The following SIPA1L2 variants were observed in gnomAD, a reference collection of about 807,000 sequenced individuals.
SIPA1L2 encodes signal induced proliferation associated 1 like 2.
A neutral mutation model predicts 163.9 loss-of-function variants in SIPA1L2; 56 were observed. The ratio of observed to expected loss-of-function variants is 0.34; its 90% CI spans 0.28 to 0.43. SIPA1L2 has a LOEUF of 0.43. Ranked by LOEUF, SIPA1L2 falls within the 20% of genes least tolerant of loss-of-function variation. SIPA1L2 has a pLI of 1.00. For synonymous variants in SIPA1L2, 877 were observed against 865.7 expected, an observed-to-expected ratio of 1.01 and a Z score of -0.23; for missense variants, 1,974 against 2,193.5, an observed-to-expected ratio of 0.90 and a Z score of 2.00.
intron 9 of SIPA1L2, among the ~76,000 whole-genome samples, chr1:232,463,325 C>T (rs940951681): frequency 6.6e-6 from 1 of 152,216 alleles, no homozygotes; most frequent in African/African-American, 2.4e-5. Flanking sequence ...CAGGCATTCC[C>T]AACATCTCCA....
At chr1:232,458,164 G>GAAA (rs71727045) in intron 10 of SIPA1L2, among the ~76,000 whole-genome samples, 1,591 of 151,780 alleles carry the variant, frequency 0.01, 31 homozygotes, top group African/African-American at 0.036. Context: ...GATTAATTGG[G>GAAA]AAAAAAAACC....
chr1:232,518,975 CACAAAAGTTTCATTTGA>C (rs6143672), intron 2 of SIPA1L2, among the ~76,000 whole-genome samples: 106,029 of 151,842 alleles, frequency 0.7, 38,151 homozygotes, highest in Non-Finnish European at 0.8. Flanking sequence ...ATATTGTAAC[CACAAAAGTTTCATTTGA>C]TATAACTTTG....
intron 18 of SIPA1L2, among the ~76,000 whole-genome samples, chr1:232,420,380 G>A (rs909694156): frequency 3.3e-5 from 5 of 152,168 alleles, no homozygotes; most frequent in Non-Finnish European, 7.3e-5. Context: ...AAGAGCAATT[G>A]ATCACCTGTG....
intron 1 of SIPA1L2, among the ~76,000 whole-genome samples, chr1:232,608,450 C>T (rs994433895): frequency 6.6e-6 from 1 of 152,164 alleles, no homozygotes; most frequent in African/African-American, 2.4e-5. Flanking sequence ...GGAAAGACCA[C>T]CTGCAAATGC....
intron 18 of SIPA1L2, among the ~76,000 whole-genome samples, chr1:232,420,252 G>A (rs1661491474): frequency 6.6e-6 from 1 of 152,030 alleles, no homozygotes; most frequent in African/African-American, 2.4e-5. Flanking sequence ...GAACCCGGGA[G>A]GTGGTGGCTG....
At chr1:232,524,876 C>T (rs899297856) in intron 2 of SIPA1L2, among the ~76,000 whole-genome samples, 1 of 152,092 alleles carries the variant, frequency 6.6e-6, no homozygotes, top group Non-Finnish European at 1.5e-5. Context: ...CTGCTTTCTT[C>T]CTTGTATTTT....
rs187955554 is a variant in SIPA1L2 at position 232,495,142 on chromosome 1, G to T, written c.1484-1482C>A. On this transcript the variant is annotated intron_variant, in intron 3 of 22. Transcript: ENST00000674635. ...ACACACACTATCCAAAGCCACTAAT[G>T]AATACTGGCTAGACCTTCAAAAGGC... Among the ~76,000 whole-genome samples, 155 of 152,304 alleles carry T rather than the reference G, an allele frequency of 1.0e-3. 1 individual carries two copies. The highest frequency in any genetic ancestry group is 3.4e-3 in the African/African-American group (143 of 41,568).
chr1:232,469,154 T>C (rs1248643275), intron 8 of SIPA1L2, among the ~76,000 whole-genome samples: 3 of 152,166 alleles, frequency 2.0e-5, no homozygotes, highest in Admixed American at 2.0e-4. Flanking sequence ...GGCCTATGAA[T>C]TGGCATTGGT....
Position 232,557,282 on chromosome 1 carries a change from C to T in SIPA1L2, c.-270+16892G>A, listed in dbSNP as rs957522815. ...CTGGCATTCGCTTCTACCTAAGGCA[C>T]CCCATAATGTGGTTATCAGTCTCTC... On this transcript the variant is annotated intron_variant, in intron 2 of 22. Coordinates refer to ENST00000674635, the MANE Select transcript of SIPA1L2 (RefSeq NM_020808.5). 4.6e-5 allele frequency among the ~76,000 whole-genome samples: 7 copies of T among 152,282 alleles called. 1 individual carries two copies. In the South Asian group the frequency reaches 1.5e-3, roughly 32 times the overall value.
At chr1:232,499,026 G>C (rs926573007) in intron 3 of SIPA1L2, among the ~76,000 whole-genome samples, 1 of 152,154 alleles carries the variant, frequency 6.6e-6, no homozygotes. Flanking sequence ...TACAAACATA[G>C]CCTGCTTCAA....
chr1:232,408,518 T>A (rs1660771106), intron 19 of SIPA1L2, among the ~76,000 whole-genome samples: 1 of 152,192 alleles, frequency 6.6e-6, no homozygotes, highest in African/African-American at 2.4e-5. Context: ...ATAATCTTTA[T>A]AATGATACCA....
intron 2 of SIPA1L2, among the ~76,000 whole-genome samples, chr1:232,538,957 C>A (rs1166913573): frequency 3.9e-5 from 6 of 152,204 alleles, no homozygotes; most frequent in Non-Finnish European, 8.8e-5. Context: ...CGAATATTCC[C>A]AAGATGCAAG....
intron 17 of SIPA1L2, among the ~76,000 whole-genome samples, chr1:232,426,547 C>A (rs906511057): frequency 6.6e-6 from 1 of 152,140 alleles, no homozygotes; most frequent in Admixed American, 6.5e-5. Context: ...GTAGTCCCAG[C>A]CACTAGGGAG....
chr1:232,438,251 AT>A (rs1662680864), intron 15 of SIPA1L2, among the ~76,000 whole-genome samples: 1 of 152,122 alleles, frequency 6.6e-6, no homozygotes, highest in Non-Finnish European at 1.5e-5. Context: ...AAATATTCCC[AT>A]TCTTAGTTCA....
At chr1:232,410,545 AAT>A (rs35712001) in intron 19 of SIPA1L2, among the ~76,000 whole-genome samples, 67 of 148,612 alleles carry the variant, frequency 4.5e-4, no homozygotes, top group Non-Finnish European at 4.9e-4. Context: ...TGAATTTCAA[AAT>A]ATATATATAT....
intron 1 of SIPA1L2, among the ~76,000 whole-genome samples, chr1:232,629,459 C>T (rs10910580): frequency 0.028 from 4,280 of 152,336 alleles, 201 homozygotes; most frequent in African/African-American, 0.096. Flanking sequence ...AGCCCCGCAG[C>T]AAGTTCGGCG....
chr1:232,621,353 C>G (rs1230019580), intron 1 of SIPA1L2, among the ~76,000 whole-genome samples: 5 of 151,636 alleles, frequency 3.3e-5, no homozygotes, highest in African/African-American at 1.2e-4. Flanking sequence ...CACACACCTT[C>G]TTTAGTTCCC....
chr1:232,620,565 C>A (rs1400993854), intron 1 of SIPA1L2, among the ~76,000 whole-genome samples: 1 of 152,180 alleles, frequency 6.6e-6, no homozygotes, highest in Non-Finnish European at 1.5e-5. Flanking sequence ...AGTTACGGTG[C>A]CAAGCTAAGA....
intron 1 of SIPA1L2, among the ~76,000 whole-genome samples, chr1:232,602,564 C>T (rs978715715): frequency 3.3e-5 from 5 of 152,052 alleles, no homozygotes; most frequent in African/African-American, 7.2e-5. Flanking sequence ...CTCCTGACCT[C>T]GTGATCCACC....
Sources: allele counts gnomAD v4.1 joint callset (sites outside exome capture counted in the v4.1 genomes callset), GRCh38; gene constraint gnomAD v4.1.1; transcripts MANE v1.5; gene names NCBI Gene and HGNC (gene_info 2026-07-23, HGNC 2026-07-21).